Variants in BCAR1 observed in about 807,000 individuals in gnomAD.
BCAR1 encodes BCAR1 scaffold protein, Cas family member, also known as breast cancer anti-estrogen resistance protein 1.
A neutral mutation model predicts 67.6 loss-of-function variants in BCAR1; 30 were observed. The ratio of observed to expected loss-of-function variants is 0.44; its 90% CI spans 0.33 to 0.60. The LOEUF is 0.60. BCAR1 is among the 20% of genes least tolerant of loss of function. The pLI, the probability that BCAR1 is intolerant of heterozygous loss-of-function variation, is 0.02. For synonymous variants in BCAR1, 626 were observed against 556.7 expected (o/e 1.12, Z -1.75); for missense variants, 1,313 against 1,222.3 (o/e 1.07, Z -1.11).
intron 1 of BCAR1, chr16:75,264,223 C>G: frequency 7.3e-7 from 1 of 1,362,678 alleles, no homozygotes; most frequent in Non-Finnish European, 9.5e-7. Flanking sequence ...ATCCCAGACT[C>G]CATGCCCAGA....
At chr16:75,265,986 C>T in intron 1 of BCAR1, 1 of 1,046,690 alleles carries the variant, frequency 9.6e-7, no homozygotes, top group Non-Finnish European at 1.1e-6. Flanking sequence ...GACTGTCCGG[C>T]CGCTCCAGCC....
Position 75,229,389 on chromosome 16 carries a change from C to T in BCAR1, c.*122G>A. Reference sequence around the variant, plus strand: ...TACAGATTCCTGGGCATCCAGGGCACCAGGACCGACGCAGAGCTGGGGTCC... The same window carrying T: ...TACAGATTCCTGGGCATCCAGGGCATCAGGACCGACGCAGAGCTGGGGTCC... On this transcript the variant is annotated 3_prime_UTR_variant, in exon 7 of 7. Coordinates refer to ENST00000162330, the MANE Select transcript of BCAR1 (RefSeq NM_014567.5). The T allele has an allele frequency of 1.5e-6, 2 of 1,358,162 alleles. No individual in the cohort carries two copies. The highest frequency in any genetic ancestry group is 1.5e-5 in the South Asian group (1 of 64,812). The allele number at this position is 1,358,162 out of a possible 1,614,324, so 84.1% of individuals were successfully genotyped here. A position where few individuals can be genotyped will look rare whatever the true frequency, so the allele number is the denominator to read the frequency against.
chr16:75,263,604 C>T (rs2077949790), intron 1 of BCAR1: 2 of 985,310 alleles, frequency 2.0e-6, no homozygotes, highest in Non-Finnish European at 1.2e-6. Context: ...CTCAGGGGGT[C>T]GCTACCCGCA....
At chr16:75,265,906 C>G (rs1597296875) in intron 1 of BCAR1, 1 of 1,119,778 alleles carries the variant, frequency 8.9e-7, no homozygotes, top group Non-Finnish European at 1.1e-6. Flanking sequence ...CCGCCCGCGC[C>G]GCTCAGAGGC....
chr16:75,251,473 G>A lies in BCAR1; in HGVS notation c.10C>T (p.Leu4=). The change falls in exon 1 of 7, where the codon CTG becomes TTG. Residue 4 remains leucine (L), a splice_region_variant and synonymous_variant. Transcript: ENST00000162330. ...CCGGCCCCACCTGGCGCCCTCACCA[G>A]GTGGTTCATGGTGTCCGGCGGGCCT... MNH[L]NVLAKALYDN... 1 of 1,423,296 alleles carries A rather than the reference G, an allele frequency of 7.0e-7. No individual in the cohort carries two copies. The highest frequency in any genetic ancestry group is 9.2e-7 in the Non-Finnish European group (1 of 1,086,306). 88.2% of individuals were successfully genotyped at this position (1,423,296 alleles called of 1,614,324 possible).
chr16:75,232,443 A>AG (rs1430763023), intron 6 of BCAR1, among the ~76,000 whole-genome samples: 1 of 152,128 alleles, frequency 6.6e-6, no homozygotes, highest in Admixed American at 6.5e-5. Flanking sequence ...TACAAGTGTG[A>AG]GCCACTGTGC....
rs2077079797 is a variant in BCAR1, at chr16:75,235,472, T to C, written c.1427A>G (p.His476Arg). The part of the protein sequence containing the change: ...LQQGVSATVA[H>R]LLDLAGSAGA... The stretch of plus-strand genomic sequence containing the variant: ...GGCGCTGCCTGCCAGGTCCAGAAGG[T>C]GGGCAACGGTGGCGCTCACACCCTG... Residue 476 changes from histidine (H) to arginine (R), a missense_variant, in exon 5 of 7, where the codon CAC becomes CGC. Around this residue, in one of 2 missense-constraint regions of BCAR1, gnomAD observed 1,272 missense variants for 1,137.5 expected, o/e 1.12. Coordinates refer to ENST00000162330, the MANE Select transcript of BCAR1 (RefSeq NM_014567.5). The C allele has an allele frequency of 1.2e-6, 2 of 1,604,566 alleles. No individual in the cohort carries two copies. The highest frequency in any genetic ancestry group is 2.2e-5 in the East Asian group (1 of 44,490).
rs148816845 is a variant in BCAR1, at chr16:75,238,749, C to T, written c.634-1405G>A. ...CTCTCCAGACTCATCTCCCTCCACG[C>T]GCCCCAGACTTGAGTCTCCTCCAGA... On this transcript the variant is annotated intron_variant, in intron 2 of 6. Transcript: ENST00000162330. The T allele has an allele frequency of 3.2e-3, 3,113 of 985,548 alleles. 9 individuals are homozygous for T. Among genetic ancestry groups the T allele is most frequent in the Middle Eastern group, 7.3e-3 (14 of 1,914 alleles). 61.1% of individuals were successfully genotyped at this position (985,548 alleles called of 1,614,324 possible).
intron 2 of BCAR1, among the ~76,000 whole-genome samples, chr16:75,239,417 C>T (rs981103966): frequency 6.6e-6 from 1 of 152,170 alleles, no homozygotes; most frequent in Non-Finnish European, 1.5e-5. Context: ...GGGTGCCGCC[C>T]CTCTCCTCCC....
At chr16:75,264,199 G>T in intron 1 of BCAR1, 1 of 1,335,266 alleles carries the variant, frequency 7.5e-7, no homozygotes, top group Non-Finnish European at 9.6e-7. Flanking sequence ...TGTAAGGCAA[G>T]GGGTCAGGGT....
intron 1 of BCAR1, chr16:75,265,937 T>C (rs1272304407): frequency 6.4e-6 from 7 of 1,091,920 alleles, no homozygotes; most frequent in East Asian, 6.0e-5. Context: ...GTCCCGGCGC[T>C]TTCCGGCTCC....
chr16:75,253,959 C>T (rs953180732), upstream of BCAR1, among the ~76,000 whole-genome samples: 1 of 142,662 alleles, frequency 7.0e-6, no homozygotes, highest in African/African-American at 2.6e-5. Context: ...ACAGGCTCAC[C>T]GTTAGCCCCA....
At chr16:75,238,934 C>A in intron 2 of BCAR1, 5 of 985,402 alleles carry the variant, frequency 5.1e-6, no homozygotes, top group Non-Finnish European at 6.0e-6. Flanking sequence ...CAGGACCCAG[C>A]ACCAGCAGGA....
chr16:75,235,899 C>G lies in BCAR1; in HGVS notation c.1000G>C (p.Ala334Pro). ...EETYDVPPAF[A>P]KAKPFDPART... is the part of the protein sequence containing the mutation. Reference sequence around the variant, plus strand: ...GCCGGGTCAAAGGGCTTGGCCTTGGCGAAGGCGGGGGGCACATCGTAGGTC... The same window carrying G: ...GCCGGGTCAAAGGGCTTGGCCTTGGGGAAGGCGGGGGGCACATCGTAGGTC... Residue 334 changes from alanine to proline, a missense_variant, in exon 5 of 7, where the codon GCC (alanine) becomes CCC (proline). Physicochemically the swap from Ala to Pro is conservative, Grantham distance 27. This residue lies in a region of BCAR1 where 1,272 missense variants were observed against 1,137.5 expected (regional missense o/e 1.12). Coordinates refer to ENST00000162330, the MANE Select transcript of BCAR1 (RefSeq NM_014567.5). The G allele has an allele frequency of 6.4e-7, 1 of 1,563,148 alleles. No homozygotes were observed. Among genetic ancestry groups the G allele is most frequent in the Non-Finnish European group, 8.7e-7 (1 of 1,154,364 alleles).
At chr16:75,260,364 C>T (rs894392956) in intron 1 of BCAR1, among the ~76,000 whole-genome samples, 19 of 152,034 alleles carry the variant, frequency 1.2e-4, no homozygotes, top group African/African-American at 4.3e-4. Context: ...AACTGCCAGG[C>T]GCGGTGGCTC....
chr16:75,251,381 G>A (rs1212637642), intron 1 of BCAR1, 90 bp downstream of exon 1: 3 of 1,448,116 alleles, frequency 2.1e-6, no homozygotes, highest in Non-Finnish European at 2.7e-6. Context: ...GGCCCCGCAG[G>A]TCCGGCAGGA....
intron 5 of BCAR1, 116 bp from the exon 6 acceptor site, chr16:75,234,051 GCA>G (rs781107097): frequency 6.8e-5 from 58 of 849,416 alleles, no homozygotes; most frequent in Middle Eastern, 2.8e-4. Context: ...GCGTGTGCGC[GCA>G]CACACACGCA....
chr16:75,260,796 T>C (rs1182861162), intron 1 of BCAR1, among the ~76,000 whole-genome samples: 1 of 152,200 alleles, frequency 6.6e-6, no homozygotes, highest in Non-Finnish European at 1.5e-5. Flanking sequence ...ACTGCAAGCC[T>C]AAACCCACCA....
chr16:75,256,790 C>G (rs1286520019), intron 1 of BCAR1, among the ~76,000 whole-genome samples: 1 of 152,148 alleles, frequency 6.6e-6, no homozygotes, highest in Non-Finnish European at 1.5e-5. Flanking sequence ...ACCCCTTCCT[C>G]TTCTGCACCC....
Sources: gnomAD v4.1 joint callset for allele counts (sites outside exome capture counted in the v4.1 genomes callset) on GRCh38, gnomAD v4.1.1 for gene constraint, gnomAD v4.1.1 regional missense constraint, MANE v1.5 for transcripts, NCBI Gene and HGNC (gene_info 2026-07-23, HGNC 2026-07-21) for gene names.